SYNCRIP: variants seen among roughly 807,000 people sequenced by gnomAD.
SYNCRIP encodes heterogeneous nuclear ribonucleoprotein Q.
A neutral mutation model predicts 68.9 loss-of-function variants in SYNCRIP; 9 were observed. The observed-to-expected ratio is 0.13, with a 90% CI of 0.08 to 0.23. The LOEUF (loss-of-function observed/expected upper bound fraction) is 0.23, where lower values mean the gene tolerates loss of function less well. Among genes scored for constraint, SYNCRIP ranks in the 10% least tolerant of loss-of-function variants. SYNCRIP has a pLI of 1.00. For synonymous variants in SYNCRIP, 258 were observed against 254.0 expected (o/e 1.02, Z -0.15); for missense variants, 414 against 770.6 (o/e 0.54, Z 5.48).
chr6:85,619,034 G>A, intron 9 of SYNCRIP, 95 bp from the exon 10 acceptor site: 1 of 1,335,010 alleles, frequency 7.5e-7, no homozygotes, highest in Non-Finnish European at 1.0e-6. Context: ...ATGTGGGAAG[G>A]ACAAGAGAAA....
intron 6 of SYNCRIP, among the ~76,000 whole-genome samples, chr6:85,626,611 T>C (rs115887336): frequency 1.3e-5 from 2 of 152,238 alleles, no homozygotes; most frequent in African/African-American, 2.4e-5. Context: ...AAAATCCTTA[T>C]AAGAAATGTA....
At chr6:85,624,397 T>C (rs1246805598) in intron 6 of SYNCRIP, among the ~76,000 whole-genome samples, 1 of 152,216 alleles carries the variant, frequency 6.6e-6, no homozygotes, top group East Asian at 1.9e-4. Context: ...ACTTAACTTT[T>C]ACTTAAGTTC....
chr6:85,615,729 G>C (rs980354642), intron 10 of SYNCRIP, among the ~76,000 whole-genome samples: 1 of 152,174 alleles, frequency 6.6e-6, no homozygotes, highest in Non-Finnish European at 1.5e-5. Flanking sequence ...TGAATCGCTT[G>C]AACCCAGGTG....
chr6:85,609,204 G>A (rs1353581708), downstream of SYNCRIP: 1 of 151,826 alleles, frequency 6.6e-6, no homozygotes, highest in African/African-American at 2.4e-5. Context: ...AGAAGTTTTA[G>A]CACCCTCCCC....
At chr6:85,623,562 C>CAAAAAAAAAAAAAAAAAAAAAA (rs67258131) in intron 7 of SYNCRIP, among the ~76,000 whole-genome samples, 6 of 63,254 alleles carry the variant, frequency 9.5e-5, no homozygotes, top group African/African-American at 3.4e-4. Flanking sequence ...AGACTGTCTC[C>CAAAAAAAAAAAAAAAAAAAAAA]AAAAAAAAAA....
At chr6:85,633,489 G>A (rs1181062573) in intron 6 of SYNCRIP, among the ~76,000 whole-genome samples, 4 of 151,682 alleles carry the variant, frequency 2.6e-5, no homozygotes, top group African/African-American at 4.9e-5. Flanking sequence ...TACTCAGGGG[G>A]CTGAAACAGA....
intron 10 of SYNCRIP, among the ~76,000 whole-genome samples, chr6:85,617,822 T>C (rs1805955778): frequency 1.3e-5 from 2 of 152,258 alleles, no homozygotes; most frequent in African/African-American, 4.8e-5. Flanking sequence ...TGACAGTGAT[T>C]ATTGCTCTCA....
In SYNCRIP at chr6:85,637,286, G is replaced by A; in HGVS notation, c.446C>T (p.Pro149Leu). Residue 149 changes from proline (P) to leucine (L), a missense_variant, in exon 5 of 11, where the codon CCA becomes CTA. By Grantham distance (98) the Pro-to-Leu change is moderately conservative. This residue lies in a region of SYNCRIP where 110 missense variants were observed against 269.3 expected (regional missense o/e 0.41). Coordinates refer to ENST00000369622, the MANE Select transcript of SYNCRIP (RefSeq NM_006372.5). ...CTGCTGACCTGAATAAACGGAATCT[G>A]GAGGTGGTCCTCCATACTTCCTCTG... ...TGQRKYGGPPPDSVYSGQQPS... is the reference protein window; with the variant it reads ...TGQRKYGGPPLDSVYSGQQPS... 6.2e-7 allele frequency: 1 copy of A among 1,614,178 alleles called. No homozygotes were observed. Among genetic ancestry groups the A allele is most frequent in the Non-Finnish European group, 8.5e-7 (1 of 1,180,022 alleles).
rs1009280805 is a variant in SYNCRIP, at chr6:85,624,257, A to T, written c.667-145T>A. ...AAGGGAATTATGAGGAACAGATTAT[A>T]TTAACAAGACCCATTGGACAAGTTC... is the stretch of plus-strand genomic sequence containing the variant. On this transcript the variant is annotated intron_variant, in intron 6 of 10. Coordinates refer to ENST00000369622, the MANE Select transcript of SYNCRIP (RefSeq NM_006372.5). 7 of 743,922 alleles carry T rather than the reference A, an allele frequency of 9.4e-6. No homozygotes were observed. In the African/African-American group the frequency reaches 1.2e-4, roughly 13 times the overall value. 46.1% of individuals were successfully genotyped at this position (743,922 alleles called of 1,614,324 possible).
intron 1 of SYNCRIP, among the ~76,000 whole-genome samples, chr6:85,642,320 G>T (rs151220733): frequency 5.3e-5 from 8 of 152,224 alleles, no homozygotes; most frequent in African/African-American, 1.9e-4. Flanking sequence ...CCCGTGGCGC[G>T]CTGTGCAGGT....
Position 85,613,998 on chromosome 6 carries a change from A to AT in SYNCRIP, c.*757dup. ...AACTTACTACATGTATTATCTTTTT[A>AT]TTTTTGATGGGAACATGAAGTCTGT... On this transcript the variant is annotated 3_prime_UTR_variant, in exon 11 of 11. Transcript: ENST00000369622. The AT allele has an allele frequency of 1.0e-6, 1 of 984,954 alleles. No homozygotes were observed. The highest frequency in any genetic ancestry group is 1.2e-6 in the Non-Finnish European group (1 of 829,380). 61.0% of individuals were successfully genotyped at this position (984,954 alleles called of 1,614,324 possible). A position where few individuals can be genotyped will look rare whatever the true frequency, so the allele number is the denominator to read the frequency against.
At chr6:85,619,533 T>G in intron 8 of SYNCRIP, 116 bp from the exon 9 acceptor site, 1 of 907,504 alleles carries the variant, frequency 1.1e-6, no homozygotes, top group Non-Finnish European at 1.5e-6. Context: ...AATGTCAGAA[T>G]ATAAAAAAAA....
intron 6 of SYNCRIP, among the ~76,000 whole-genome samples, chr6:85,633,399 T>A (rs1438273192): frequency 3.3e-5 from 5 of 152,180 alleles, no homozygotes; most frequent in Admixed American, 3.3e-4. Context: ...GAGACCAGCC[T>A]GGCCAACAGG....
chr6:85,631,488 C>T (rs1296742004), intron 6 of SYNCRIP, among the ~76,000 whole-genome samples: 7 of 152,092 alleles, frequency 4.6e-5, no homozygotes, highest in Admixed American at 4.6e-4. Context: ...ATGCTGTGAT[C>T]TAATTGATGT....
At position 85,624,155 on chromosome 6, in the gene SYNCRIP, CAACTAG is replaced by C. The variant is rs759964104; in HGVS notation, c.667-49_667-44del. 1.4e-5 allele frequency: 22 copies of C among 1,556,398 alleles called. No homozygotes were observed. In the Admixed American group the frequency reaches 2.4e-4, roughly 17 times the overall value. On this transcript the variant is annotated intron_variant, in intron 6 of 10. Transcript: ENST00000369622. ...GCATCATGTTTTTAAATTACTTATACAACTAGAACAGTTAATTATAAAAGATACACA... is the reference window on the plus strand; with the variant it reads ...GCATCATGTTTTTAAATTACTTATACAACAGTTAATTATAAAAGATACACA...
intron 6 of SYNCRIP, among the ~76,000 whole-genome samples, chr6:85,633,666 C>G (rs1808094665): frequency 6.6e-6 from 1 of 152,100 alleles, no homozygotes; most frequent in Admixed American, 6.5e-5. Flanking sequence ...ATACCAATAC[C>G]TACCATTGGA....
At chr6:85,630,730 A>G (rs1202123801) in intron 6 of SYNCRIP, among the ~76,000 whole-genome samples, 5 of 152,110 alleles carry the variant, frequency 3.3e-5, no homozygotes, top group Admixed American at 3.3e-4. Context: ...TAAGAATATT[A>G]GAGAGCACTG....
At chr6:85,613,887 C>G (rs1805478707), downstream of SYNCRIP, 1 of 839,260 alleles carries the variant, frequency 1.2e-6, no homozygotes, top group African/African-American at 1.8e-5. Flanking sequence ...TCAGTGTGAC[C>G]TGCAAACCCT....
At chr6:85,634,594 A>G (rs919722331) in intron 6 of SYNCRIP, among the ~76,000 whole-genome samples, 1 of 140,076 alleles carries the variant, frequency 7.1e-6, no homozygotes, top group South Asian at 2.2e-4. Flanking sequence ...TTTTTTTTTT[A>G]TTGGGTTTTT....
Sources: allele counts gnomAD v4.1 joint callset (sites outside exome capture counted in the v4.1 genomes callset), GRCh38; gene constraint gnomAD v4.1.1; regional missense constraint gnomAD v4.1.1; transcripts MANE v1.5; gene names NCBI Gene and HGNC (gene_info 2026-07-23, HGNC 2026-07-21).